The following FAM169A variants were observed in gnomAD, a reference collection of about 807,000 sequenced individuals.
The protein encoded by FAM169A is family with sequence similarity 169 member A, also known as soluble lamin-associated protein of 75 kDa.
In FAM169A, 24 loss-of-function variants were observed where a neutral mutation model predicts 75.7. That is an observed-to-expected ratio of 0.32 (90% CI 0.23 to 0.45). The LOEUF (loss-of-function observed/expected upper bound fraction) is 0.45, where lower values mean the gene tolerates loss of function less well. FAM169A is among the 20% of genes least tolerant of loss of function. The pLI, the probability that FAM169A is intolerant of heterozygous loss-of-function variation, is 1.00. For missense variants in FAM169A, 673 were observed against 784.0 expected (o/e 0.86, Z 1.69); for synonymous variants, 271 against 271.0 (o/e 1.00, Z 0.00).
chr5:74,785,635 A>G (rs1319664021), intron 11 of FAM169A, among the ~76,000 whole-genome samples: 1 of 152,188 alleles, frequency 6.6e-6, no homozygotes, highest in Non-Finnish European at 1.5e-5. Flanking sequence ...ATGGTGGCAC[A>G]TGCCTAATTC....
chr5:74,851,825 A>G (rs1273753209), intron 1 of FAM169A, among the ~76,000 whole-genome samples: 1 of 152,210 alleles, frequency 6.6e-6, no homozygotes, highest in Admixed American at 6.5e-5. Flanking sequence ...CTGACAATAT[A>G]AAATTTCTTA....
chr5:74,840,396 T>C (rs12110114), intron 2 of FAM169A, among the ~76,000 whole-genome samples: 3,659 of 152,006 alleles, frequency 0.024, 146 homozygotes, highest in African/African-American at 0.084. Context: ...TCATAAATAT[T>C]ATTATGTATC....
rs536396064 is a variant in FAM169A at position 74,809,889 on chromosome 5, G to A, written c.670+3951C>T. 1.8e-4 allele frequency among the ~76,000 whole-genome samples: 28 copies of A among 152,280 alleles called. No individual in the cohort carries two copies. The South Asian group carries it at 4.8e-3, about 26-fold the overall frequency. On this transcript the variant is annotated intron_variant, in intron 6 of 12. Coordinates refer to ENST00000687041, the MANE Select transcript of FAM169A (RefSeq NM_001376049.1). ...AGAACTTCCACATATTTATACTAACGGGAATGCGAAATGACATAACTACTT... is the reference window on the plus strand; with the variant it reads ...AGAACTTCCACATATTTATACTAACAGGAATGCGAAATGACATAACTACTT...
intron 5 of FAM169A, among the ~76,000 whole-genome samples, chr5:74,832,793 T>A (rs947400291): frequency 7.2e-5 from 11 of 151,944 alleles, no homozygotes; most frequent in African/African-American, 2.4e-4. Flanking sequence ...CCAGCCTGAA[T>A]TAAATGGCTA....
Position 74,778,918 on chromosome 5 carries a change from A to G in FAM169A, c.*2542T>C, listed in dbSNP as rs1015545562. On this transcript the variant is annotated 3_prime_UTR_variant, in exon 13 of 13. Coordinates refer to ENST00000687041, the MANE Select transcript of FAM169A (RefSeq NM_001376049.1). Reference sequence around the variant, plus strand: ...TTTTCTAATGCCTTGCAAAAACTACAGATAACTGATTAAGTTCATGTAGGT... The same window carrying G: ...TTTTCTAATGCCTTGCAAAAACTACGGATAACTGATTAAGTTCATGTAGGT... The G allele has an allele frequency of 1.3e-5, 2 of 152,124 alleles. No homozygotes were observed. Among genetic ancestry groups the G allele is most frequent in the East Asian group, 3.8e-4 (2 of 5,202 alleles). The allele number at this position is 152,124 out of a possible 1,614,324, so 9.4% of individuals were successfully genotyped here.
chr5:74,854,922 G>T (rs1358368119), intron 1 of FAM169A, among the ~76,000 whole-genome samples: 1 of 152,202 alleles, frequency 6.6e-6, no homozygotes, highest in South Asian at 2.1e-4. Flanking sequence ...AAACACGGGA[G>T]TGCAGAAATC....
At chr5:74,814,109 A>G in intron 5 of FAM169A, 90 bp from the exon 6 acceptor site, 1 of 1,117,178 alleles carries the variant, frequency 9.0e-7, no homozygotes, top group Middle Eastern at 2.2e-4. Context: ...TTTCTAAAAA[A>G]AGTTTTCTTC....
intron 10 of FAM169A, among the ~76,000 whole-genome samples, chr5:74,797,124 T>C (rs1379794854): frequency 6.6e-6 from 1 of 152,190 alleles, no homozygotes. Context: ...GGTGGTTCTC[T>C]ATAAGCTCAG....
At chr5:74,849,126 A>G (rs1329805708) in intron 1 of FAM169A, among the ~76,000 whole-genome samples, 1 of 152,208 alleles carries the variant, frequency 6.6e-6, no homozygotes, top group African/African-American at 2.4e-5. Context: ...TCATTAATCC[A>G]GGGTAAGCTG....
At chr5:74,819,901 T>C (rs1326014909) in intron 5 of FAM169A, among the ~76,000 whole-genome samples, 1 of 151,856 alleles carries the variant, frequency 6.6e-6, no homozygotes, top group Non-Finnish European at 1.5e-5. Flanking sequence ...ATGAACAGAG[T>C]TTCTTTAGCG....
intron 11 of FAM169A, among the ~76,000 whole-genome samples, chr5:74,788,746 A>AT (rs1406919472): frequency 3.9e-5 from 6 of 152,120 alleles, no homozygotes; most frequent in Non-Finnish European, 5.9e-5. Context: ...ATCAAACACA[A>AT]TATCGCATCC....
In FAM169A at chr5:74,796,261, A is replaced by C. The variant is rs1460393732; in HGVS notation, c.1104-75T>G. 2.2e-6 allele frequency: 3 copies of C among 1,371,424 alleles called. No individual in the cohort carries two copies. In the African/African-American group the frequency reaches 4.4e-5, roughly 20 times the overall value. The allele number at this position is 1,371,424 out of a possible 1,614,324, so 85.0% of individuals were successfully genotyped here. ...TAAAATCTCAGAAGTCCTTTCTTAA[A>C]GTAACATTTTAGAGAATCAACTATG... On this transcript the variant is annotated intron_variant, in intron 10 of 12. Coordinates refer to ENST00000687041, the MANE Select transcript of FAM169A (RefSeq NM_001376049.1).
At chr5:74,856,736 G>A (rs1486433332) in intron 1 of FAM169A, among the ~76,000 whole-genome samples, 1 of 150,480 alleles carries the variant, frequency 6.6e-6, no homozygotes, top group Non-Finnish European at 1.5e-5. Context: ...ATCTAGGGAG[G>A]GAAAAACATC....
chr5:74,865,941 C>G (rs1302429490), intron 1 of FAM169A: 1 of 152,832 alleles, frequency 6.5e-6, no homozygotes, highest in Admixed American at 6.5e-5. Flanking sequence ...GGGCGCCACA[C>G]GCCCTACGGG....
chr5:74,855,464 C>G (rs1177008435), intron 1 of FAM169A, among the ~76,000 whole-genome samples: 1 of 152,190 alleles, frequency 6.6e-6, no homozygotes, highest in African/African-American at 2.4e-5. Flanking sequence ...ACCCAAAGCG[C>G]TGGGATTATA....
chr5:74,866,950 G>A (rs986374564), upstream of FAM169A: 1 of 985,332 alleles, frequency 1.0e-6, no homozygotes, highest in African/African-American at 1.7e-5. Context: ...TAGAATCGTG[G>A]GCTGCTTTCA....
chr5:74,810,974 ATTTTTTT>A (rs764689046), intron 6 of FAM169A, among the ~76,000 whole-genome samples: 9 of 99,870 alleles, frequency 9.0e-5, no homozygotes, highest in Admixed American at 1.2e-4. Flanking sequence ...CTAGGCCTGG[ATTTTTTT>A]TTTTTTTTTT....
rs981283277 is a variant in FAM169A, at chr5:74,777,879, C to G, written c.*3581G>C. The G allele has an allele frequency of 6.6e-6, 1 of 151,906 alleles. No individual in the cohort carries two copies. The highest frequency in any genetic ancestry group is 6.6e-5 in the Admixed American group (1 of 15,244). 9.4% of individuals were successfully genotyped at this position (151,906 alleles called of 1,614,324 possible). A position where few individuals can be genotyped will look rare whatever the true frequency, so the allele number is the denominator to read the frequency against. The stretch of plus-strand genomic sequence containing the variant: ...TTTTTCTAAGTTCTATAAATATATA[C>G]TGGAAGTTTTAGAACACATACAGAC... On this transcript the variant is annotated 3_prime_UTR_variant, in exon 13 of 13. Transcript: ENST00000687041.
At chr5:74,802,077 A>G (rs1746610289) in intron 8 of FAM169A, among the ~76,000 whole-genome samples, 1 of 152,126 alleles carries the variant, frequency 6.6e-6, no homozygotes, top group African/African-American at 2.4e-5. Flanking sequence ...TTTCCCCAAT[A>G]TTATTCCCTA....
Sources: gnomAD v4.1 joint callset for allele counts (sites outside exome capture counted in the v4.1 genomes callset) on GRCh38, gnomAD v4.1.1 for gene constraint, MANE v1.5 for transcripts, NCBI Gene and HGNC (gene_info 2026-07-23, HGNC 2026-07-21) for gene names.